Variants in NUP50 observed in about 807,000 individuals in gnomAD.
NUP50 encodes the protein nuclear pore complex protein Nup50.
NUP50 carries 14 observed loss-of-function variants against 36.8 expected under a neutral mutation model. The observed-to-expected ratio is 0.38, with a 90% CI of 0.25 to 0.59. NUP50 has a LOEUF of 0.59. NUP50 is among the 20% of genes least tolerant of loss of function. NUP50 has a pLI of 0.63. For missense variants in NUP50, 455 were observed against 564.6 expected (o/e 0.81, Z 1.97); for synonymous variants, 195 against 210.8 (o/e 0.93, Z 0.65).
chr22:45,177,139 C>G (rs1343000936), intron 4 of NUP50, among the ~76,000 whole-genome samples: 3 of 152,116 alleles, frequency 2.0e-5, no homozygotes, highest in African/African-American at 7.2e-5. Context: ...CAGCATAACT[C>G]TTAGATAGGA....
In NUP50 at chr22:45,186,114, G is replaced by T. The variant is rs2074466767; in HGVS notation, c.*1459G>T. ...ATGAACTCCTAAGTCACTGAGGTGT[G>T]ATTGGGCCAATGTTGGCATGAGGTT... On this transcript the variant is annotated 3_prime_UTR_variant, in exon 8 of 8. Coordinates refer to ENST00000347635, the MANE Select transcript of NUP50 (RefSeq NM_007172.4). The T allele has an allele frequency of 1.3e-5, 2 of 152,258 alleles. No individual in the cohort carries two copies. The highest frequency in any genetic ancestry group is 6.5e-5 in the Admixed American group (1 of 15,290). 9.4% of individuals were successfully genotyped at this position (152,258 alleles called of 1,614,324 possible).
chr22:45,164,997 C>T (rs533946115), intron 1 of NUP50: 124 of 152,272 alleles, frequency 8.1e-4, no homozygotes, highest in African/African-American at 2.8e-3. Context: ...TGTTTTCCTC[C>T]AACAAGGCAC....
intron 6 of NUP50, 93 bp downstream of exon 6, chr22:45,181,460 T>C (rs964121211): frequency 6.6e-6 from 5 of 761,874 alleles, no homozygotes; most frequent in Non-Finnish European, 1.1e-5. Flanking sequence ...TTGACTGAGC[T>C]TCCAGTCTCG....
chr22:45,175,720 G>A (rs1296594603), intron 3 of NUP50, 174 bp from the exon 4 acceptor site: 2 of 561,090 alleles, frequency 3.6e-6, no homozygotes, highest in Admixed American at 6.5e-5. Flanking sequence ...CTGTTCTTAT[G>A]AATACAATCT....
chr22:45,183,008 T>C (rs1601790992), intron 6 of NUP50, among the ~76,000 whole-genome samples: 1 of 150,536 alleles, frequency 6.6e-6, no homozygotes, highest in East Asian at 1.9e-4. Context: ...TTGTCCTTTA[T>C]TTGTTCCTGT....
chr22:45,170,959 A>G, intron 2 of NUP50: 2 of 1,301,866 alleles, frequency 1.5e-6, no homozygotes, highest in Non-Finnish European at 2.0e-6. Flanking sequence ...GAATTTTTGC[A>G]TGAGAAATAT....
chr22:45,187,594 C>T lies in NUP50; in HGVS notation c.*2939C>T, dbSNP rs919338398. ...ATTCTATTTCAGAAGAGTCAAAATT[C>T]AAGCACGATACATTTTGAAGGCTTT... On this transcript the variant is annotated 3_prime_UTR_variant, in exon 8 of 8. Transcript: ENST00000347635. The T allele has an allele frequency of 6.6e-6, 1 of 152,200 alleles. No homozygotes were observed. Among genetic ancestry groups the T allele is most frequent in the African/African-American group, 2.4e-5 (1 of 41,438 alleles). 9.4% of individuals were successfully genotyped at this position (152,200 alleles called of 1,614,324 possible).
chr22:45,178,153 A>G, intron 4 of NUP50, 85 bp from the exon 5 acceptor site: 2 of 1,218,664 alleles, frequency 1.6e-6, no homozygotes, highest in Non-Finnish European at 1.2e-6. Flanking sequence ...TAAAAGCAGA[A>G]AGTATGAAGG....
rs1028301896 is a variant in NUP50, at chr22:45,164,073, C to G, written c.-234C>G. 5 of 152,336 alleles carry G rather than the reference C, an allele frequency of 3.3e-5. No individual in the cohort carries two copies. Among genetic ancestry groups the G allele is most frequent in the African/African-American group, 1.2e-4 (5 of 41,468 alleles). The allele number at this position is 152,336 out of a possible 1,614,324, so 9.4% of individuals were successfully genotyped here. ...AGCTGTCTCTGGCTGAACCGGCGCTCTCGCCTCCCTGCCGAACACAGCGTG... is the reference window on the plus strand; with the variant it reads ...AGCTGTCTCTGGCTGAACCGGCGCTGTCGCCTCCCTGCCGAACACAGCGTG... On this transcript the variant is annotated 5_prime_UTR_variant, in exon 1 of 8. Transcript: ENST00000347635.
chr22:45,178,798 A>G lies in NUP50; in HGVS notation c.901A>G (p.Ser301Gly), dbSNP rs2147694028. 6.2e-7 allele frequency: 1 copy of G among 1,613,998 alleles called. No individual in the cohort carries two copies. Among genetic ancestry groups the G allele is most frequent in the East Asian group, 2.2e-5 (1 of 44,880 alleles). Residue 301 changes from serine (S) to glycine (G), a missense_variant, in exon 5 of 8, where the codon AGT (serine) becomes GGT (glycine). Coordinates refer to ENST00000347635, the MANE Select transcript of NUP50 (RefSeq NM_007172.4). ...ATTTTCTTTCTCCCCTGGAAACTCCAGTTTATTTGGCAAAGATACTACCCA... is the reference window on the plus strand; with the variant it reads ...ATTTTCTTTCTCCCCTGGAAACTCCGGTTTATTTGGCAAAGATACTACCCA... ...TGFSFSPGNS[S>G]LFGKDTTQSK...
rs1409808896 is a variant in NUP50, at chr22:45,168,211, G to T, written c.34G>T (p.Asp12Tyr). Residue 12 changes from aspartate (D) to tyrosine (Y), a missense_variant, in exon 2 of 8, where the codon GAT (aspartate) becomes TAT (tyrosine). Transcript: ENST00000347635. ...AKRNAEKELT[D>Y]RNWDQEDEAE... Reference sequence around the variant, plus strand: ...AAGAAATGCCGAGAAGGAACTGACAGATAGGAATTGGGATCAAGAAGATGA... The same window carrying T: ...AAGAAATGCCGAGAAGGAACTGACATATAGGAATTGGGATCAAGAAGATGA... 1 of 1,612,306 alleles carries T rather than the reference G, an allele frequency of 6.2e-7. No homozygotes were observed. Among genetic ancestry groups the T allele is most frequent in the South Asian group, 1.1e-5 (1 of 90,496 alleles).
intron 3 of NUP50, among the ~76,000 whole-genome samples, chr22:45,172,899 A>G (rs2074218431): frequency 1.3e-5 from 2 of 152,228 alleles, no homozygotes; most frequent in African/African-American, 4.8e-5. Context: ...ATATTACTGT[A>G]TATACCAATA....
intron 4 of NUP50, chr22:45,177,665 A>G (rs1446123862): frequency 6.5e-6 from 1 of 153,066 alleles, no homozygotes; most frequent in Admixed American, 6.5e-5. Context: ...ATCACATCTC[A>G]GATAGGCGTC....
chr22:45,165,711 C>T (rs1283913290), intron 1 of NUP50, among the ~76,000 whole-genome samples: 1 of 152,216 alleles, frequency 6.6e-6, no homozygotes, highest in South Asian at 2.1e-4. Flanking sequence ...CATGCTACAA[C>T]TTTTACGTTT....
chr22:45,181,682 T>G (rs1339917726), intron 6 of NUP50, among the ~76,000 whole-genome samples: 2 of 152,128 alleles, frequency 1.3e-5, no homozygotes, highest in South Asian at 2.1e-4. Context: ...CCCTGTGTCT[T>G]TCTCCCTCCC....
At chr22:45,181,634 C>CCCCATCCCAT (rs1021119241) in intron 6 of NUP50, among the ~76,000 whole-genome samples, 1 of 152,106 alleles carries the variant, frequency 6.6e-6, no homozygotes, top group Non-Finnish European at 1.5e-5. Context: ...ATCTTCCCAA[C>CCCCATCCCAT]CCCATCCCAT....
rs1428360071 is a variant in NUP50, at chr22:45,185,230, C to T, written c.*575C>T. 6.4e-6 allele frequency: 1 copy of T among 155,222 alleles called. No individual in the cohort carries two copies. The highest frequency in any genetic ancestry group is 1.4e-5 in the Non-Finnish European group (1 of 69,878). The allele number at this position is 155,222 out of a possible 1,614,324, so 9.6% of individuals were successfully genotyped here. ...TCACCTCAGCGTTCGAATCATTGGC[C>T]TGTAACCCTGTGGGCTGCTTCACGA... is the stretch of plus-strand genomic sequence containing the variant. On this transcript the variant is annotated 3_prime_UTR_variant, in exon 8 of 8. Transcript: ENST00000347635.
At chr22:45,171,735 T>G in intron 3 of NUP50, 52 bp downstream of exon 3, 1 of 1,441,474 alleles carries the variant, frequency 6.9e-7, no homozygotes, top group South Asian at 1.1e-5. Flanking sequence ...GATTTCTGGG[T>G]TGCACAGCAA....
chr22:45,168,085 T>G (rs2074123335), intron 1 of NUP50, 83 bp from the exon 2 acceptor site: 1 of 1,038,172 alleles, frequency 9.6e-7, no homozygotes, highest in African/African-American at 1.7e-5. Context: ...TTTATCTCAC[T>G]TCATGCTAGA....
Sources: gnomAD v4.1 joint callset for allele counts (sites outside exome capture counted in the v4.1 genomes callset) on GRCh38, gnomAD v4.1.1 for gene constraint, MANE v1.5 for transcripts, NCBI Gene and HGNC (gene_info 2026-07-23, HGNC 2026-07-21) for gene names.